Variants in E2F1 observed in about 807,000 individuals in gnomAD.
E2F1 encodes transcription factor E2F1.
A neutral mutation model predicts 36.9 loss-of-function variants in E2F1; 7 were observed. That is an observed-to-expected ratio of 0.19 (90% CI 0.11 to 0.36). E2F1 has a LOEUF of 0.36. Among genes scored for constraint, E2F1 ranks in the 10% least tolerant of loss-of-function variants. The pLI is 1.00. For missense variants in E2F1, 406 were observed against 573.6 expected (o/e 0.71, Z 2.99); for synonymous variants, 261 against 263.1 (o/e 0.99, Z 0.08).
At chr20:33,677,999 T>C (rs1407120902) in intron 4 of E2F1, among the ~76,000 whole-genome samples, 9 of 152,202 alleles carry the variant, frequency 5.9e-5, no homozygotes, top group Non-Finnish European at 1.0e-4. Flanking sequence ...GAATTGGATA[T>C]TATTATTCCC....
intron 1 of E2F1, 143 bp downstream of exon 1, chr20:33,685,861 C>A (rs2018062760): frequency 2.4e-6 from 2 of 830,116 alleles, no homozygotes; most frequent in Non-Finnish European, 3.0e-6. Flanking sequence ...GAGGCCCAAC[C>A]CCGGCTCTGC....
chr20:33,683,783 T>A (rs3213155), intron 1 of E2F1, among the ~76,000 whole-genome samples: 3,255 of 151,666 alleles, frequency 0.021, 208 homozygotes, highest in Admixed American at 0.14. Flanking sequence ...AAAAAAAAAA[T>A]AAATAAATAA....
In E2F1 at chr20:33,681,649, A is replaced by G. The variant is rs544880386; in HGVS notation, c.262-1233T>C. On this transcript the variant is annotated intron_variant, in intron 1 of 6. Transcript: ENST00000343380. The stretch of plus-strand genomic sequence containing the variant: ...TCCTGGAGGTCTCACAGGCTGCTCA[A>G]AAGTACCCGGACCAAAACCAGACTG... Among the ~76,000 whole-genome samples, 27 of 152,188 alleles carry G rather than the reference A, an allele frequency of 1.8e-4. No individual in the cohort carries two copies. The South Asian group carries it at 5.2e-3, about 29-fold the overall frequency.
rs1288743199 is a variant in E2F1, at chr20:33,676,673, C to A, written c.*59G>T. The A allele has an allele frequency of 1.9e-5, 29 of 1,530,910 alleles. No individual in the cohort carries two copies. The highest frequency in any genetic ancestry group is 2.4e-5 in the Non-Finnish European group (27 of 1,137,170). The allele number at this position is 1,530,910 out of a possible 1,614,324, so 94.8% of individuals were successfully genotyped here. On this transcript the variant is annotated 3_prime_UTR_variant, in exon 7 of 7. Coordinates refer to ENST00000343380, the MANE Select transcript of E2F1 (RefSeq NM_005225.3). ...TGGGAGGACGGCCAGGGACAGGGGGCTCCAGGGCTGCAGAGACAAGGTGAG... is the reference window on the plus strand; with the variant it reads ...TGGGAGGACGGCCAGGGACAGGGGGATCCAGGGCTGCAGAGACAAGGTGAG...
chr20:33,677,354 T>C, intron 5 of E2F1, 24 bp from the exon 6 acceptor site: 1 of 1,610,904 alleles, frequency 6.2e-7, no homozygotes, highest in Non-Finnish European at 8.5e-7. Flanking sequence ...GCAGGCAGGG[T>C]AAACTGAGGC....
At position 33,679,700 on chromosome 20, in the gene E2F1, T is replaced by C. The variant is rs1346311050; in HGVS notation, c.572+55A>G. On this transcript the variant is annotated intron_variant, in intron 3 of 6. Coordinates refer to ENST00000343380, the MANE Select transcript of E2F1 (RefSeq NM_005225.3). This position sits in a 1 kb window ranked among gnomAD's most constrained non-coding sequence, Gnocchi z 4.6. Reference sequence around the variant, plus strand: ...AGCCACAGTGGGTATTACTACCAGCTCCTCCAGGCTGGCATGGGCAGGTGT... The same window carrying C: ...AGCCACAGTGGGTATTACTACCAGCCCCTCCAGGCTGGCATGGGCAGGTGT... 1.3e-6 allele frequency: 2 copies of C among 1,538,774 alleles called. No individual in the cohort carries two copies. Among genetic ancestry groups the C allele is most frequent in the African/African-American group, 2.7e-5 (2 of 73,352 alleles).
chr20:33,676,504 T>TG lies in E2F1; in HGVS notation c.*227dup. The TG allele has an allele frequency of 3.7e-6, 2 of 546,744 alleles. No homozygotes were observed. The highest frequency in any genetic ancestry group is 6.3e-5 in the East Asian group (2 of 31,926). The allele number at this position is 546,744 out of a possible 1,614,324, so 33.9% of individuals were successfully genotyped here. The stretch of plus-strand genomic sequence containing the variant: ...CACATTCACCCCCGGTACACACGTG[T>TG]GGGTGTAGGCTGCATGCACATACAC... On this transcript the variant is annotated 3_prime_UTR_variant, in exon 7 of 7. Transcript: ENST00000343380.
intron 1 of E2F1, among the ~76,000 whole-genome samples, chr20:33,682,888 A>G (rs532251901): frequency 1.3e-5 from 2 of 152,334 alleles, no homozygotes; most frequent in African/African-American, 4.8e-5. Context: ...ATATATTTAT[A>G]TGATCCCTTT....
intron 2 of E2F1, 118 bp from the exon 3 acceptor site, chr20:33,680,092 T>C: frequency 1.0e-6 from 1 of 983,320 alleles, no homozygotes; most frequent in Non-Finnish European, 1.6e-6. Context: ...GACAGCCAGC[T>C]CCTTCCCCTT....
At chr20:33,685,019 G>A (rs1005632473) in intron 1 of E2F1, among the ~76,000 whole-genome samples, 1 of 152,130 alleles carries the variant, frequency 6.6e-6, no homozygotes, top group Non-Finnish European at 1.5e-5. Context: ...AGGCTTCTAC[G>A]CCTCCAATCC....
rs1387771403 is a variant in E2F1, at chr20:33,676,919, G to A, written c.1127C>T (p.Pro376Leu). Reference sequence around the variant, plus strand: ...CAGGAGCGAGTCGGCCGCCACCAGCGGGGACAGGCGGTCCTCGTCCACGGG... The same window carrying A: ...CAGGAGCGAGTCGGCCGCCACCAGCAGGGACAGGCGGTCCTCGTCCACGGG... ...RAPVDEDRLS[P>L]LVAADSLLEH... The change falls in exon 7 of 7, where the codon CCG (proline) becomes CTG (leucine). Residue 376 changes from proline (P) to leucine (L), a missense_variant. Transcript: ENST00000343380. 7 of 1,565,970 alleles carry A rather than the reference G, an allele frequency of 4.5e-6. No homozygotes were observed. The highest frequency in any genetic ancestry group is 3.5e-5 in the South Asian group (3 of 86,050).
chr20:33,686,140 G>C lies in E2F1; in HGVS notation c.125C>G (p.Ala42Gly), dbSNP rs2122554898. 2 of 1,059,434 alleles carry C rather than the reference G, an allele frequency of 1.9e-6. No individual in the cohort carries two copies. Among genetic ancestry groups the C allele is most frequent in the East Asian group, 1.4e-4 (2 of 14,330 alleles). The allele number at this position is 1,059,434 out of a possible 1,614,324, so 65.6% of individuals were successfully genotyped here. Residue 42 changes from alanine (A) to glycine (G), a missense_variant, in exon 1 of 7, where the codon GCC becomes GGC. Ala to Gly is a moderately conservative substitution (Grantham distance 60). Around this residue, in one of 5 missense-constraint regions of E2F1, gnomAD observed 68 missense variants for 74.3 expected, o/e 0.92. Transcript: ENST00000343380. ...QIVIISAAQD[A>G]SAPPAPTGPA... ...GCCGGTGGGAGCCGGCGGGGCGCTG[G>C]CGTCCTGCGCGGCGGAGATGATGAC...
chr20:33,679,674 C>T lies in E2F1; in HGVS notation c.572+81G>A. 2.3e-6 allele frequency: 3 copies of T among 1,319,840 alleles called. No individual in the cohort carries two copies. Among genetic ancestry groups the T allele is most frequent in the Middle Eastern group, 2.6e-4 (1 of 3,884 alleles). 81.8% of individuals were successfully genotyped at this position (1,319,840 alleles called of 1,614,324 possible). Reference sequence around the variant, plus strand: ...CCCAGCTATAAGATGGGGATGCAGGCAGCCACAGTGGGTATTACTACCAGC... The same window carrying T: ...CCCAGCTATAAGATGGGGATGCAGGTAGCCACAGTGGGTATTACTACCAGC... On this transcript the variant is annotated intron_variant, in intron 3 of 6. Coordinates refer to ENST00000343380, the MANE Select transcript of E2F1 (RefSeq NM_005225.3). The surrounding 1 kb of genome is among the most constrained non-coding windows in gnomAD (Gnocchi z 4.6).
At chr20:33,680,219 C>T in intron 2 of E2F1, 107 bp downstream of exon 2, 1 of 1,307,976 alleles carries the variant, frequency 7.6e-7, no homozygotes, top group African/African-American at 1.5e-5. Flanking sequence ...AGAGGCCTGG[C>T]TCAAGCCCGA....
rs536761877 is a variant in E2F1, at chr20:33,679,057, CGA to C, written c.572+696_572+697del. Among the ~76,000 whole-genome samples the C allele has an allele frequency of 3.1e-4, 47 of 152,238 alleles. No homozygotes were observed. Among genetic ancestry groups the C allele is most frequent in the African/African-American group, 9.2e-4 (38 of 41,524 alleles). On this transcript the variant is annotated intron_variant, in intron 3 of 6. Transcript: ENST00000343380. This position sits in a 1 kb window ranked among gnomAD's most constrained non-coding sequence, Gnocchi z 4.6. ...AGTAGCATGATGACTGGCGCGAAGGCGAGAGGGGGAAAATAAAACAAGAATAA... is the reference window on the plus strand; with the variant it reads ...AGTAGCATGATGACTGGCGCGAAGGCGAGGGGGAAAATAAAACAAGAATAA...
In E2F1 at chr20:33,678,287, C is replaced by T. The variant is rs751633126; in HGVS notation, c.639G>A (p.Leu213=). Residue 213 remains leucine, a synonymous_variant, in exon 4 of 7, where the codon CTG becomes CTA. Coordinates refer to ENST00000343380, the MANE Select transcript of E2F1 (RefSeq NM_005225.3). ...GGTCCAGCTGCTGCTCGCTCTCCTG[C>T]AGCTGTCGGAGGTCCTGGGTCAACC... ...LEGLTQDLRQ[L]QESEQQLDHL... is the part of the protein sequence containing the mutation. 1.2e-6 allele frequency: 2 copies of T among 1,613,132 alleles called. No individual in the cohort carries two copies. The highest frequency in any genetic ancestry group is 2.2e-5 in the South Asian group (2 of 91,034).
chr20:33,685,881 C>T lies in E2F1; in HGVS notation c.261+123G>A, dbSNP rs1331109370. 19 of 936,706 alleles carry T rather than the reference C, an allele frequency of 2.0e-5. No individual in the cohort carries two copies. In the East Asian group the frequency reaches 1.1e-3, roughly 55 times the overall value. The allele number at this position is 936,706 out of a possible 1,614,324, so 58.0% of individuals were successfully genotyped here. On this transcript the variant is annotated intron_variant, in intron 1 of 6. Transcript: ENST00000343380. ...CCAACCCCGGCTCTGCACCGCCCAG[C>T]CTGGGCGCCTCAGTCAACCCCTCCC...
intron 2 of E2F1, 38 bp from the exon 3 acceptor site, chr20:33,680,012 C>A: frequency 6.7e-7 from 1 of 1,496,542 alleles, no homozygotes; most frequent in Non-Finnish European, 9.1e-7. Context: ...GGCCCTTCAG[C>A]ATCCACCCCC....
chr20:33,677,623 G>A (rs1003887445), intron 4 of E2F1, 83 bp from the exon 5 acceptor site: 1 of 1,060,352 alleles, frequency 9.4e-7, no homozygotes, highest in Non-Finnish European at 1.4e-6. Context: ...GCTCACACCT[G>A]CCTAGTCACT....
Sources: gnomAD v4.1 joint callset for allele counts (sites outside exome capture counted in the v4.1 genomes callset) on GRCh38, gnomAD v4.1.1 for gene constraint, gnomAD v4.1.1 regional missense constraint, Gnocchi (gnomAD v3.1) non-coding constraint, MANE v1.5 for transcripts, NCBI Gene and HGNC (gene_info 2026-07-23, HGNC 2026-07-21) for gene names.